The following LARGE1 variants were observed in gnomAD, a reference collection of about 807,000 sequenced individuals.
LARGE1 encodes the protein xylosyl- and glucuronyltransferase LARGE1.
In LARGE1, 43 loss-of-function variants were observed where a neutral mutation model predicts 87.6. That is an observed-to-expected ratio of 0.49 (90% CI 0.38 to 0.63). The LOEUF is 0.63. Ranked by LOEUF, LARGE1 falls within the 30% of genes least tolerant of loss-of-function variation. The pLI, the probability that LARGE1 is intolerant of heterozygous loss-of-function variation, is 0.00. For missense variants in LARGE1, 802 were observed against 1,000.2 expected (o/e 0.80, Z 2.67); for synonymous variants, 434 against 394.6 (o/e 1.10, Z -1.18).
chr22:33,421,422 G>A (rs1244961470), intron 7 of LARGE1, among the ~76,000 whole-genome samples: 1 of 152,162 alleles, frequency 6.6e-6, no homozygotes, highest in Non-Finnish European at 1.5e-5. Flanking sequence ...ACAGGTGGAG[G>A]TGGGACTTGG....
intron 1 of LARGE1, among the ~76,000 whole-genome samples, chr22:33,815,012 G>A (rs532426369): frequency 1.3e-5 from 2 of 152,254 alleles, no homozygotes; most frequent in African/African-American, 2.4e-5. Flanking sequence ...GCTGCTTTCC[G>A]CAAGACACAC....
chr22:33,815,068 AAGG>A lies in LARGE1; in HGVS notation c.-82-53513_-82-53511del, dbSNP rs562677294. On this transcript the variant is annotated intron_variant, in intron 1 of 14. Transcript: ENST00000397394. ...AATTCCTAATAAGAATAGCCCAGTA[AAGG>A]AGGAGATTTAATGATCTGCCACTGA... Among the ~76,000 whole-genome samples, 6 of 152,324 alleles carry A rather than the reference AAGG, an allele frequency of 3.9e-5. No homozygotes were observed. In the East Asian group the frequency reaches 1.2e-3, roughly 29 times the overall value.
Position 33,295,464 on chromosome 22 carries a change from G to A in LARGE1, c.1730+8765C>T, listed in dbSNP as rs11912452. Reference sequence around the variant, plus strand: ...CTGACTAGCTTCAATAGTGCTAGACGTAAGCATGGCTTTTGACCAAGGCAA... The same window carrying A: ...CTGACTAGCTTCAATAGTGCTAGACATAAGCATGGCTTTTGACCAAGGCAA... On this transcript the variant is annotated intron_variant, in intron 12 of 14. Transcript: ENST00000397394. 5.7e-3 allele frequency among the ~76,000 whole-genome samples: 861 copies of A among 152,312 alleles called. 9 individuals carry two copies. Among genetic ancestry groups the A allele is most frequent in the African/African-American group, 0.02 (828 of 41,564 alleles).
At chr22:33,216,337 G>T (rs560745837) in intron 11 of LARGE1, among the ~76,000 whole-genome samples, 1 of 152,212 alleles carries the variant, frequency 6.6e-6, no homozygotes, top group East Asian at 1.9e-4. Context: ...GGATTAAAAA[G>T]GGCTTGGGGG....
chr22:33,282,302 G>A (rs937483385), intron 13 of LARGE1, among the ~76,000 whole-genome samples: 4 of 152,174 alleles, frequency 2.6e-5, no homozygotes, highest in Non-Finnish European at 4.4e-5. Flanking sequence ...CCGAGACCAC[G>A]CCATTGCACT....
At chr22:33,284,592 T>A (rs1931147424) in intron 12 of LARGE1, among the ~76,000 whole-genome samples, 1 of 151,986 alleles carries the variant, frequency 6.6e-6, no homozygotes, top group Non-Finnish European at 1.5e-5. Context: ...GCTTTTTTTT[T>A]TTGGAGATGG....
At chr22:33,578,769 T>C (rs929411641) in intron 5 of LARGE1, among the ~76,000 whole-genome samples, 1 of 152,236 alleles carries the variant, frequency 6.6e-6, no homozygotes, top group Non-Finnish European at 1.5e-5. Context: ...GAAATCTGTA[T>C]ATAAATTCTT....
chr22:33,142,066 C>A, the LARGE1 span, among the ~76,000 whole-genome samples: 4 of 151,806 alleles, frequency 2.6e-5, no homozygotes, highest in African/African-American at 9.7e-5. Context: ...TTTTTTATAC[C>A]CTAAGCCTGG....
Position 33,360,553 on chromosome 22 carries a change from C to T in LARGE1, c.1131+21366G>A, listed in dbSNP as rs549119247. On this transcript the variant is annotated intron_variant, in intron 9 of 14. Transcript: ENST00000397394. Reference sequence around the variant, plus strand: ...TTTAAACAATCGGATCTTGTGAGAACACTATCATAAGAACAACACGATGCG... The same window carrying T: ...TTTAAACAATCGGATCTTGTGAGAATACTATCATAAGAACAACACGATGCG... Among the ~76,000 whole-genome samples, 4 of 149,144 alleles carry T rather than the reference C, an allele frequency of 2.7e-5. 1 individual carries two copies. In the South Asian group the frequency reaches 9.0e-4, roughly 34 times the overall value.
At chr22:33,279,045 C>G (rs1214598612) in intron 13 of LARGE1, among the ~76,000 whole-genome samples, 2 of 152,098 alleles carry the variant, frequency 1.3e-5, no homozygotes, top group Non-Finnish European at 2.9e-5. Context: ...TGTCCCTGTC[C>G]CCCACACTTC....
the LARGE1 span, among the ~76,000 whole-genome samples, chr22:33,098,576 G>A: frequency 1.3e-5 from 2 of 152,158 alleles, no homozygotes; most frequent in South Asian, 2.1e-4. Flanking sequence ...AGCCTAGATC[G>A]TGCCACTGCA....
chr22:33,699,053 C>T (rs1365784021), intron 2 of LARGE1, among the ~76,000 whole-genome samples: 2 of 152,224 alleles, frequency 1.3e-5, no homozygotes, highest in African/African-American at 4.8e-5. Context: ...CCTCTGTAGG[C>T]TGACCTCCCA....
chr22:33,520,819 TC>T (rs1246193652), intron 6 of LARGE1, among the ~76,000 whole-genome samples: 3 of 152,246 alleles, frequency 2.0e-5, no homozygotes, highest in Non-Finnish European at 4.4e-5. Context: ...GTGGAGTGGC[TC>T]CGTGAACTGA....
At chr22:33,467,529 G>A (rs1422012317) in intron 6 of LARGE1, among the ~76,000 whole-genome samples, 1 of 152,244 alleles carries the variant, frequency 6.6e-6, no homozygotes, top group African/African-American at 2.4e-5. Context: ...GTTTCATTAA[G>A]TAGATGTGTT....
At chr22:33,244,012 G>A (rs924272365) in intron 11 of LARGE1, among the ~76,000 whole-genome samples, 15 of 151,992 alleles carry the variant, frequency 9.9e-5, no homozygotes, top group Admixed American at 6.6e-5. Context: ...GTTTTGAGGC[G>A]GAGTCTTGCT....
chr22:33,329,579 T>C (rs1251593174), intron 10 of LARGE1, among the ~76,000 whole-genome samples: 1 of 152,070 alleles, frequency 6.6e-6, no homozygotes, highest in Non-Finnish European at 1.5e-5. Context: ...CTGGGGCCAT[T>C]TCCTGCCAGG....
intron 6 of LARGE1, among the ~76,000 whole-genome samples, chr22:33,458,822 A>G (rs565820807): frequency 4.4e-4 from 67 of 152,276 alleles, no homozygotes; most frequent in African/African-American, 1.4e-3. Context: ...TGCAGAGGTG[A>G]GCAGGCATTA....
At chr22:33,863,929 C>T (rs1365063441) in intron 1 of LARGE1, among the ~76,000 whole-genome samples, 9 of 152,198 alleles carry the variant, frequency 5.9e-5, no homozygotes, top group African/African-American at 1.9e-4. Flanking sequence ...AAGGCAAAGT[C>T]ATTATATGGC....
intron 2 of LARGE1, among the ~76,000 whole-genome samples, chr22:33,702,066 A>G (rs1195692150): frequency 1.3e-5 from 2 of 152,184 alleles, no homozygotes; most frequent in Admixed American, 6.5e-5. Flanking sequence ...CATCTCCTCC[A>G]ATAACTGTGG....
Sources: gnomAD v4.1 joint callset for allele counts (sites outside exome capture counted in the v4.1 genomes callset) on GRCh38, gnomAD v4.1.1 for gene constraint, MANE v1.5 for transcripts, NCBI Gene and HGNC (gene_info 2026-07-23, HGNC 2026-07-21) for gene names.